Variants in DHX36 observed in about 807,000 individuals in gnomAD.
The protein encoded by DHX36 is ATP-dependent DNA/RNA helicase DHX36.
A neutral mutation model predicts 139.0 loss-of-function variants in DHX36; 50 were observed. The observed-to-expected ratio is 0.36, with a 90% CI of 0.29 to 0.46. The LOEUF is 0.46. Among genes scored for constraint, DHX36 ranks in the 20% least tolerant of loss-of-function variants. The pLI is 1.00. For missense variants in DHX36, 1,024 were observed against 1,211.3 expected (o/e 0.85, Z 2.29); for synonymous variants, 425 against 401.9 (o/e 1.06, Z -0.69).
Position 154,274,412 on chromosome 3 carries a change from A to G in DHX36, c.*1759T>C, listed in dbSNP as rs554431741. 85 of 158,844 alleles carry G rather than the reference A, an allele frequency of 5.4e-4. No individual in the cohort carries two copies. In the South Asian group the frequency reaches 0.013, roughly 24 times the overall value. The allele number at this position is 158,844 out of a possible 1,614,324, so 9.8% of individuals were successfully genotyped here. On this transcript the variant is annotated 3_prime_UTR_variant, in exon 25 of 25. Transcript: ENST00000496811. ...ATTGAAGGGTTTTTATTATATCAAC[A>G]TAAGTCCACATGTAAAGCAGCTCTA...
intron 1 of DHX36, among the ~76,000 whole-genome samples, chr3:154,320,317 G>C (rs1004998322): frequency 6.6e-6 from 1 of 150,398 alleles, no homozygotes; most frequent in African/African-American, 2.5e-5. Context: ...AGCAACACTG[G>C]CATCACCTGG....
intron 23 of DHX36, 81 bp downstream of exon 23, chr3:154,277,517 T>C: frequency 4.3e-6 from 6 of 1,398,368 alleles, no homozygotes; most frequent in Non-Finnish European, 5.7e-6. Context: ...AAATTTTGTA[T>C]ATAATTGTTA....
At chr3:154,307,696 A>G (rs1712556967) in intron 5 of DHX36, among the ~76,000 whole-genome samples, 1 of 152,132 alleles carries the variant, frequency 6.6e-6, no homozygotes, top group Admixed American at 6.5e-5. Flanking sequence ...CCTCTATAGA[A>G]AACAGTATGG....
chr3:154,301,361 T>C (rs571543071), intron 9 of DHX36, among the ~76,000 whole-genome samples: 1 of 152,250 alleles, frequency 6.6e-6, no homozygotes, highest in Admixed American at 6.5e-5. Flanking sequence ...AGATCATTTT[T>C]AGTCAAAAAT....
Position 154,301,114 on chromosome 3 carries a change from G to A in DHX36, c.1231C>T (p.Gln411Ter). ...VIEKIRYVPE[Q>*]KEHRSQFKRG... ...TTAAACTGGGATCTGTGTTCTTTTT[G>A]TTCTGGAACATACCTAAAATAAAAA... is the stretch of plus-strand genomic sequence containing the variant. The change falls in exon 10 of 25, where the codon CAA becomes TAA. Residue 411 changes from glutamine to a stop codon, truncating the protein, a stop_gained. Coordinates refer to ENST00000496811, the MANE Select transcript of DHX36 (RefSeq NM_020865.3). LOFTEE classifies it high-confidence loss of function. The A allele has an allele frequency of 6.3e-7, 1 of 1,594,324 alleles. No individual in the cohort carries two copies. Among genetic ancestry groups the A allele is most frequent in the Non-Finnish European group, 8.5e-7 (1 of 1,175,460 alleles).
intron 6 of DHX36, among the ~76,000 whole-genome samples, chr3:154,305,696 G>A (rs1313345473): frequency 1.3e-5 from 2 of 152,192 alleles, no homozygotes; most frequent in Admixed American, 6.5e-5. Flanking sequence ...GAGCACAGGA[G>A]TCTTCGGCTG....
chr3:154,315,032 C>T lies in DHX36; in HGVS notation c.603+14G>A, dbSNP rs1712911391. 1 of 1,537,920 alleles carries T rather than the reference C, an allele frequency of 6.5e-7. No homozygotes were observed. The highest frequency in any genetic ancestry group is 1.4e-5 in the African/African-American group (1 of 71,948). Reference sequence around the variant, plus strand: ...AAAAAAATGACAAAATATTTTTTGACATCTTTCTACTACCTGCATTTCAAT... The same window carrying T: ...AAAAAAATGACAAAATATTTTTTGATATCTTTCTACTACCTGCATTTCAAT... On this transcript the variant is annotated intron_variant, in intron 3 of 24. Coordinates refer to ENST00000496811, the MANE Select transcript of DHX36 (RefSeq NM_020865.3).
At chr3:154,294,065 G>A (rs960341779) in intron 13 of DHX36, among the ~76,000 whole-genome samples, 6 of 152,108 alleles carry the variant, frequency 3.9e-5, no homozygotes, top group African/African-American at 1.2e-4. Context: ...TTTCCAATGA[G>A]GTATCATTAT....
At chr3:154,315,944 G>T in intron 2 of DHX36, 95 bp downstream of exon 2, 1 of 1,410,358 alleles carries the variant, frequency 7.1e-7, no homozygotes, top group Non-Finnish European at 9.5e-7. Context: ...GTACGTAAAG[G>T]TTAAAATTCA....
rs984168279 is a variant in DHX36, at chr3:154,288,916, G to C, written c.1981C>G (p.Pro661Ala). The change falls in exon 17 of 25, where the codon CCA becomes GCA. Residue 661 changes from proline (P) to alanine (A), a missense_variant. Transcript: ENST00000496811. ...IAYFLSRLMDPPSNEAVLLSI... is the reference protein window; with the variant it reads ...IAYFLSRLMDAPSNEAVLLSI... Reference sequence around the variant, plus strand: ...AGTAACACTGCCTCATTTGATGGTGGGTCCATTAATCTACTCAGAAAATAA... The same window carrying C: ...AGTAACACTGCCTCATTTGATGGTGCGTCCATTAATCTACTCAGAAAATAA... 25 of 1,589,520 alleles carry C rather than the reference G, an allele frequency of 1.6e-5. No individual in the cohort carries two copies. The highest frequency in any genetic ancestry group is 2.1e-5 in the Non-Finnish European group (25 of 1,166,822).
chr3:154,291,932 CTTAAG>C (rs896351374), intron 15 of DHX36, among the ~76,000 whole-genome samples: 8 of 152,186 alleles, frequency 5.3e-5, no homozygotes, highest in Non-Finnish European at 1.0e-4. Flanking sequence ...AGTTTTACTT[CTTAAG>C]TTATTATGAC....
At chr3:154,319,894 T>TC (rs1713124986) in intron 1 of DHX36, among the ~76,000 whole-genome samples, 1 of 152,098 alleles carries the variant, frequency 6.6e-6, no homozygotes, top group African/African-American at 2.4e-5. Context: ...TCTCGTGAAT[T>TC]CCCCTACCCC....
intron 24 of DHX36, 182 bp downstream of exon 24, chr3:154,276,565 G>C (rs1176974668): frequency 4.1e-5 from 32 of 787,386 alleles, no homozygotes; most frequent in South Asian, 2.8e-4. Flanking sequence ...GAGCCATTTA[G>C]AATGGCTGGT....
intron 5 of DHX36, among the ~76,000 whole-genome samples, chr3:154,308,401 A>G (rs1202529885): frequency 6.6e-6 from 1 of 152,216 alleles, no homozygotes; most frequent in Non-Finnish European, 1.5e-5. Context: ...AAAACCAAAG[A>G]CAAACACAAA....
rs779828243 is a variant in DHX36, at chr3:154,292,538, G to A, written c.1814+13C>T. The A allele has an allele frequency of 1.2e-6, 2 of 1,614,008 alleles. No individual in the cohort carries two copies. Among genetic ancestry groups the A allele is most frequent in the Non-Finnish European group, 1.7e-6 (2 of 1,179,974 alleles). Reference sequence around the variant, plus strand: ...GTGTGTTCTAAAAGCTTTGGACAGAGTTCCCACCTTACCTTCCAGCTCGAC... The same window carrying A: ...GTGTGTTCTAAAAGCTTTGGACAGAATTCCCACCTTACCTTCCAGCTCGAC... On this transcript the variant is annotated intron_variant, in intron 15 of 24. Transcript: ENST00000496811.
Position 154,301,085 on chromosome 3 carries a change from C to T in DHX36, c.1260G>A (p.Arg420=). Residue 420 remains arginine, a synonymous_variant, in exon 10 of 25, where the codon AGG becomes AGA. Transcript: ENST00000496811. ...EQKEHRSQFK[R]GFMQGHVNRQ... is the part of the protein sequence containing the mutation. ...TATTTACATGCCCTTGCATGAAACC[C>T]CTCTTAAACTGGGATCTGTGTTCTT... 3.1e-6 allele frequency: 5 copies of T among 1,610,894 alleles called. No homozygotes were observed. Among genetic ancestry groups the T allele is most frequent in the Non-Finnish European group, 4.2e-6 (5 of 1,179,256 alleles).
At chr3:154,292,410 CTA>C in intron 15 of DHX36, 139 bp downstream of exon 15, 1 of 1,168,110 alleles carries the variant, frequency 8.6e-7, no homozygotes, top group African/African-American at 1.6e-5. Flanking sequence ...AACAACTTTC[CTA>C]TTTAAAAATG....
At chr3:154,297,918 A>C (rs1712107850) in intron 12 of DHX36, among the ~76,000 whole-genome samples, 1 of 152,298 alleles carries the variant, frequency 6.6e-6, no homozygotes, top group South Asian at 2.1e-4. Flanking sequence ...AAAACAAGAA[A>C]TTGATAAGCA....
chr3:154,295,262 C>A (rs1300992622), intron 13 of DHX36, 22 bp downstream of exon 13: 1 of 1,457,288 alleles, frequency 6.9e-7, no homozygotes, highest in Non-Finnish European at 9.4e-7. Context: ...ATACATTTAA[C>A]AAATGTATCC....
Sources: allele counts gnomAD v4.1 joint callset (sites outside exome capture counted in the v4.1 genomes callset), GRCh38; gene constraint gnomAD v4.1.1; transcripts MANE v1.5; gene names NCBI Gene and HGNC (gene_info 2026-07-23, HGNC 2026-07-21).